The following LAMA2 variants were observed in gnomAD, a reference collection of about 807,000 sequenced individuals.
LAMA2 encodes laminin subunit alpha-2.
LAMA2 carries 269 observed loss-of-function variants against 364.8 expected under a neutral mutation model. The observed-to-expected ratio is 0.74, with a 90% confidence interval of 0.67 to 0.82. The LOEUF is 0.82. Ranked by LOEUF, LAMA2 falls within the 40% of genes least tolerant of loss-of-function variation. LAMA2 has a pLI of 0.00. For synonymous variants in LAMA2, 1,379 were observed against 1,370.6 expected (o/e 1.01, Z -0.14); for missense variants, 3,807 against 3,873.2 (o/e 0.98, Z 0.45).
chr6:129,303,582 C>G (rs1773680148), intron 22 of LAMA2, among the ~76,000 whole-genome samples: 1 of 151,940 alleles, frequency 6.6e-6, no homozygotes, highest in Non-Finnish European at 1.5e-5. Context: ...TGAGGATGCC[C>G]CCTCGTGTTT....
intron 4 of LAMA2, among the ~76,000 whole-genome samples, chr6:129,142,625 G>A (rs1208049201): frequency 6.6e-6 from 1 of 152,004 alleles, no homozygotes; most frequent in Non-Finnish European, 1.5e-5. Flanking sequence ...ATTCCTAGAA[G>A]TGGAATTGCT....
chr6:129,439,193 T>C (rs1020514007), intron 42 of LAMA2, among the ~76,000 whole-genome samples: 3 of 151,988 alleles, frequency 2.0e-5, no homozygotes, highest in African/African-American at 7.2e-5. Flanking sequence ...TAATACCTAA[T>C]ATAATGTAAA....
chr6:129,407,613 GT>G (rs1489260441), intron 40 of LAMA2, among the ~76,000 whole-genome samples: 2 of 152,228 alleles, frequency 1.3e-5, no homozygotes, highest in Non-Finnish European at 1.5e-5. Flanking sequence ...TGGCCACGTG[GT>G]TGTAGCTGGT....
intron 33 of LAMA2, among the ~76,000 whole-genome samples, chr6:129,369,095 G>A (rs949443127): frequency 6.6e-6 from 1 of 152,162 alleles, no homozygotes; most frequent in African/African-American, 2.4e-5. Flanking sequence ...GTAATTCTGT[G>A]AGTATTTTGT....
At chr6:128,965,058 A>G (rs1290247203) in intron 1 of LAMA2, among the ~76,000 whole-genome samples, 1 of 152,070 alleles carries the variant, frequency 6.6e-6, no homozygotes, top group Non-Finnish European at 1.5e-5. Context: ...GGATTATAAA[A>G]TGAAGTTCAG....
At chr6:128,904,206 A>T (rs1394413226) in intron 1 of LAMA2, among the ~76,000 whole-genome samples, 3 of 152,116 alleles carry the variant, frequency 2.0e-5, no homozygotes, top group Non-Finnish European at 4.4e-5. Context: ...ACCACCTCAA[A>T]AGACAGCTTT....
intron 17 of LAMA2, among the ~76,000 whole-genome samples, chr6:129,272,399 G>T (rs913363172): frequency 6.6e-6 from 1 of 152,078 alleles, no homozygotes; most frequent in African/African-American, 2.4e-5. Context: ...ATTAAAATGT[G>T]TAAACCACCT....
chr6:129,023,888 T>C (rs913059272), intron 1 of LAMA2, among the ~76,000 whole-genome samples: 6 of 152,238 alleles, frequency 3.9e-5, no homozygotes, highest in Non-Finnish European at 8.8e-5. Flanking sequence ...GTACCAATTT[T>C]ATATCAATAT....
intron 37 of LAMA2, among the ~76,000 whole-genome samples, chr6:129,398,496 A>T (rs1779787025): frequency 1.8e-5 from 2 of 109,456 alleles, no homozygotes. Flanking sequence ...TTTTTTTGAG[A>T]CAGAGTTTCG....
At chr6:129,516,132 T>G in intron 64 of LAMA2, 58 bp from the exon 65 acceptor site, 1 of 1,571,900 alleles carries the variant, frequency 6.4e-7, no homozygotes. Flanking sequence ...TGAAACATGC[T>G]CTTAATATTT....
chr6:129,369,654 A>G (rs1176654657), intron 33 of LAMA2, among the ~76,000 whole-genome samples: 3 of 152,194 alleles, frequency 2.0e-5, no homozygotes, highest in Non-Finnish European at 2.9e-5. Context: ...AAATGAAAAA[A>G]CAAAACATAA....
intron 12 of LAMA2, among the ~76,000 whole-genome samples, chr6:129,221,019 G>A (rs778872274): frequency 1.3e-5 from 2 of 151,824 alleles, no homozygotes; most frequent in Admixed American, 6.6e-5. Flanking sequence ...AAAATTAGCC[G>A]GGCATGGTGG....
At chr6:129,043,023 T>C (rs896190133) in intron 1 of LAMA2, among the ~76,000 whole-genome samples, 1 of 152,210 alleles carries the variant, frequency 6.6e-6, no homozygotes, top group East Asian at 1.9e-4. Flanking sequence ...ATCTTGGATA[T>C]GTACCTAACA....
chr6:129,200,255 C>G (rs557916031), intron 12 of LAMA2, among the ~76,000 whole-genome samples: 1 of 132,192 alleles, frequency 7.6e-6, no homozygotes, highest in African/African-American at 3.0e-5. Context: ...TATATATATA[C>G]GTGTACACAT....
chr6:129,320,283 G>A (rs1415848790), intron 27 of LAMA2, among the ~76,000 whole-genome samples: 1 of 152,118 alleles, frequency 6.6e-6, no homozygotes, highest in African/African-American at 2.4e-5. Context: ...AAGAAGAGGA[G>A]GGATTGGTCC....
rs1217494773 is a variant in LAMA2, at chr6:128,943,579, C to A, written c.112+60222C>A. 1.3e-5 allele frequency among the ~76,000 whole-genome samples: 2 copies of A among 152,148 alleles called. 1 individual carries two copies. Among genetic ancestry groups the A allele is most frequent in the Non-Finnish European group, 2.9e-5 (2 of 68,036 alleles). On this transcript the variant is annotated intron_variant, in intron 1 of 64. Transcript: ENST00000421865. ...ATATGCTGAAATTATAGGCGTAAGC[C>A]ACCTTGCCTGACCATCGTCCATATA...
At chr6:128,925,274 A>G (rs187869144) in intron 1 of LAMA2, among the ~76,000 whole-genome samples, 7 of 152,354 alleles carry the variant, frequency 4.6e-5, no homozygotes, top group Admixed American at 3.3e-4. Flanking sequence ...GGCTGTTGAC[A>G]GACGAATAGA....
chr6:129,050,769 A>C (rs1372387533), intron 2 of LAMA2, among the ~76,000 whole-genome samples: 2 of 152,192 alleles, frequency 1.3e-5, no homozygotes, highest in Admixed American at 1.3e-4. Flanking sequence ...GAGAGTAGAG[A>C]TGAGACTAGA....
chr6:129,482,236 T>C (rs1480898474), intron 55 of LAMA2, among the ~76,000 whole-genome samples: 1 of 152,182 alleles, frequency 6.6e-6, no homozygotes, highest in Non-Finnish European at 1.5e-5. Flanking sequence ...CACCACACTC[T>C]AGCCTGGATG....
Sources: gnomAD v4.1 joint callset for allele counts (sites outside exome capture counted in the v4.1 genomes callset) on GRCh38, gnomAD v4.1.1 for gene constraint, MANE v1.5 for transcripts, NCBI Gene and HGNC (gene_info 2026-07-23, HGNC 2026-07-21) for gene names.